Variants in LRP1B observed in about 807,000 individuals in gnomAD.
LRP1B encodes LDL receptor related protein 1B.
Under a neutral mutation model 556.6 loss-of-function variants are expected in LRP1B, and 217 were observed. The observed-to-expected ratio is 0.39, with a 90% CI of 0.35 to 0.44. The LOEUF (loss-of-function observed/expected upper bound fraction) is 0.44, where lower values mean the gene tolerates loss of function less well. Ranked by LOEUF, LRP1B falls within the 20% of genes least tolerant of loss-of-function variation. The probability of loss-of-function intolerance (pLI) is 1.00; values close to 1 mark genes in which losing one functional copy is unlikely to be tolerated. For synonymous variants in LRP1B, 2,047 were observed against 1,865.8 expected, an observed-to-expected ratio of 1.10 and a Z score of -2.50; for missense variants, 5,053 against 5,620.8, an observed-to-expected ratio of 0.90 and a Z score of 3.23.
intron 41 of LRP1B, among the ~76,000 whole-genome samples, chr2:140,612,357 A>G (rs1276318290): frequency 1.3e-5 from 2 of 151,986 alleles, no homozygotes. Flanking sequence ...TTATTTTTTG[A>G]TTTGTATTTC....
intron 3 of LRP1B, among the ~76,000 whole-genome samples, chr2:141,315,380 C>T (rs1686989872): frequency 6.7e-6 from 1 of 149,418 alleles, no homozygotes; most frequent in African/African-American, 2.5e-5. Context: ...CTGCCTCAGC[C>T]TCCCAAGTAG....
At position 142,103,683 on chromosome 2, in the gene LRP1B, C is replaced by T. The variant is rs540431279; in HGVS notation, c.82+26965G>A. 2.6e-5 allele frequency among the ~76,000 whole-genome samples: 4 copies of T among 152,116 alleles called. No homozygotes were observed. In the South Asian group the frequency reaches 6.2e-4, roughly 24 times the overall value. On this transcript the variant is annotated intron_variant, in intron 1 of 90. Coordinates refer to ENST00000389484, the MANE Select transcript of LRP1B (RefSeq NM_018557.3). ...TTTGTCTTTCCCAAATACCATTTAA[C>T]ATTCTAATCTTGTAAAAGATGACCC...
At chr2:141,064,144 T>C (rs760876368) in intron 7 of LRP1B, among the ~76,000 whole-genome samples, 1 of 151,972 alleles carries the variant, frequency 6.6e-6, no homozygotes, top group South Asian at 2.1e-4. Flanking sequence ...AAGTTAGCAG[T>C]AACACAGATG....
intron 32 of LRP1B, among the ~76,000 whole-genome samples, chr2:140,798,159 A>G (rs1302348555): frequency 6.6e-6 from 1 of 152,158 alleles, no homozygotes; most frequent in Non-Finnish European, 1.5e-5. Flanking sequence ...ACCTAAGGAC[A>G]GGGAATTGTT....
At chr2:142,014,077 CA>C (rs1004376359) in intron 1 of LRP1B, among the ~76,000 whole-genome samples, 5 of 152,196 alleles carry the variant, frequency 3.3e-5, no homozygotes, top group African/African-American at 1.2e-4. Context: ...CATATCTCCC[CA>C]TATATACAAG....
chr2:140,957,476 T>C (rs749562540), intron 18 of LRP1B, among the ~76,000 whole-genome samples: 1 of 148,884 alleles, frequency 6.7e-6, no homozygotes, highest in Non-Finnish European at 1.5e-5. Context: ...ACCTAGGAAG[T>C]ACATATACAA....
chr2:141,935,753 T>C (rs956108943), intron 1 of LRP1B, among the ~76,000 whole-genome samples: 4 of 152,156 alleles, frequency 2.6e-5, no homozygotes, highest in Non-Finnish European at 5.9e-5. Flanking sequence ...AGAACAAATA[T>C]GCTAGACAGA....
At chr2:141,910,807 G>A (rs1326828247) in intron 1 of LRP1B, among the ~76,000 whole-genome samples, 11 of 151,928 alleles carry the variant, frequency 7.2e-5, no homozygotes, top group Admixed American at 5.9e-4. Context: ...TTTTAAAAAA[G>A]TAAGGAAAGT....
At chr2:141,510,187 G>A (rs950424326) in intron 2 of LRP1B, among the ~76,000 whole-genome samples, 103 of 116,724 alleles carry the variant, frequency 8.8e-4, no homozygotes, top group African/African-American at 3.2e-3. Context: ...TATGAGTTCG[G>A]CAATACAGAC....
At chr2:140,571,297 A>C (rs1346955089) in intron 43 of LRP1B, among the ~76,000 whole-genome samples, 1 of 151,810 alleles carries the variant, frequency 6.6e-6, no homozygotes, top group Non-Finnish European at 1.5e-5. Flanking sequence ...ATAACTGATA[A>C]ATAATTTAGT....
chr2:141,145,410 C>A (rs890831476), intron 7 of LRP1B, among the ~76,000 whole-genome samples: 1 of 151,948 alleles, frequency 6.6e-6, no homozygotes, highest in South Asian at 2.1e-4. Context: ...GATTACATTG[C>A]ATATACTATG....
At chr2:141,762,415 G>A (rs1694590733) in intron 2 of LRP1B, among the ~76,000 whole-genome samples, 2 of 151,934 alleles carry the variant, frequency 1.3e-5, no homozygotes, top group Admixed American at 6.6e-5. Flanking sequence ...ACTTCCCATA[G>A]GAATGGTGAC....
At chr2:140,830,413 G>A (rs182364086) in intron 31 of LRP1B, among the ~76,000 whole-genome samples, 305 of 152,106 alleles carry the variant, frequency 2.0e-3, no homozygotes, top group African/African-American at 6.9e-3. Context: ...ACAATCAAGT[G>A]GGAATTATTC....
intron 2 of LRP1B, among the ~76,000 whole-genome samples, chr2:141,539,701 A>G (rs1463474907): frequency 6.6e-6 from 1 of 152,214 alleles, no homozygotes; most frequent in Non-Finnish European, 1.5e-5. Flanking sequence ...GTTCTCTGTT[A>G]TAACTATTGA....
intron 35 of LRP1B, among the ~76,000 whole-genome samples, chr2:140,717,952 C>G (rs1040780533): frequency 3.9e-5 from 6 of 152,012 alleles, no homozygotes; most frequent in Non-Finnish European, 7.4e-5. Flanking sequence ...AAATATATGT[C>G]TAGAAAGCAA....
chr2:141,164,265 A>G (rs1227349609), intron 7 of LRP1B, among the ~76,000 whole-genome samples: 5 of 152,000 alleles, frequency 3.3e-5, no homozygotes, highest in Admixed American at 3.3e-4. Context: ...AATTAGTGTC[A>G]GGTATAGGGA....
At chr2:140,293,885 C>A (rs574007651) in intron 84 of LRP1B, among the ~76,000 whole-genome samples, 5 of 152,078 alleles carry the variant, frequency 3.3e-5, no homozygotes, top group Non-Finnish European at 7.4e-5. Flanking sequence ...AGTTATTTAA[C>A]CTCTGTCTAA....
chr2:142,085,984 T>A (rs1705904471), intron 1 of LRP1B, among the ~76,000 whole-genome samples: 1 of 152,120 alleles, frequency 6.6e-6, no homozygotes, highest in South Asian at 2.1e-4. Flanking sequence ...GTCTATAGGG[T>A]TAATTACTCT....
At chr2:141,645,152 C>T (rs1689507137) in intron 2 of LRP1B, among the ~76,000 whole-genome samples, 1 of 151,784 alleles carries the variant, frequency 6.6e-6, no homozygotes, top group Non-Finnish European at 1.5e-5. Context: ...TGAGGTCTGC[C>T]CAAATTTGCA....
Sources: gnomAD v4.1 joint callset for allele counts (sites outside exome capture counted in the v4.1 genomes callset) on GRCh38, gnomAD v4.1.1 for gene constraint, MANE v1.5 for transcripts, NCBI Gene and HGNC (gene_info 2026-07-23, HGNC 2026-07-21) for gene names.